Variants in PHYHIPL observed in about 807,000 individuals in gnomAD.
PHYHIPL encodes the protein phytanoyl-CoA 2-hydroxylase interacting protein like.
A neutral mutation model predicts 33.4 loss-of-function variants in PHYHIPL; 9 were observed. That is an observed-to-expected ratio of 0.27 (90% CI 0.16 to 0.47). The LOEUF (loss-of-function observed/expected upper bound fraction) is 0.47, where lower values mean the gene tolerates loss of function less well. PHYHIPL is among the 20% of genes least tolerant of loss of function. The probability of loss-of-function intolerance (pLI) is 0.99; values close to 1 mark genes in which losing one functional copy is unlikely to be tolerated. For missense variants in PHYHIPL, 365 were observed against 460.7 expected (o/e 0.79, Z 1.90); for synonymous variants, 153 against 154.1 (o/e 0.99, Z 0.05).
At chr10:59,213,395 T>C (rs1026134254) in intron 1 of PHYHIPL, among the ~76,000 whole-genome samples, 1 of 152,172 alleles carries the variant, frequency 6.6e-6, no homozygotes, top group African/African-American at 2.4e-5. Flanking sequence ...TTCTGCTGCA[T>C]TGCCTTTAAC....
chr10:59,179,680 G>GT (rs1317432993), intron 1 of PHYHIPL, among the ~76,000 whole-genome samples: 1 of 151,820 alleles, frequency 6.6e-6, no homozygotes. Flanking sequence ...TTTTGTTTTT[G>GT]TTTTTGTCTG....
In PHYHIPL at chr10:59,239,149, T is replaced by C. The variant is rs79080316; in HGVS notation, c.596+444T>C. Among the ~76,000 whole-genome samples, 788 of 152,094 alleles carry C rather than the reference T, an allele frequency of 5.2e-3. 6 individuals are homozygous for C. The highest frequency in any genetic ancestry group is 0.018 in the African/African-American group (756 of 41,530). ...GCAGACTTCTACCTAAGTAGAAGTC[T>C]TTTAGCTGTTGTATTAGTGTGTTTT... On this transcript the variant is annotated intron_variant, in intron 4 of 4. Transcript: ENST00000373880.
At chr10:59,209,108 C>T (rs1362523796) in intron 1 of PHYHIPL, among the ~76,000 whole-genome samples, 1 of 151,812 alleles carries the variant, frequency 6.6e-6, no homozygotes, top group Non-Finnish European at 1.5e-5. Flanking sequence ...AGAAGAGCAA[C>T]TCCAAGACAC....
intron 1 of PHYHIPL, among the ~76,000 whole-genome samples, chr10:59,227,468 G>T (rs1424667354): frequency 1.3e-5 from 2 of 152,118 alleles, no homozygotes; most frequent in Non-Finnish European, 2.9e-5. Flanking sequence ...TTCCCACTAA[G>T]GCCTCACTTC....
Position 59,246,590 on chromosome 10 carries a change from C to A in PHYHIPL, c.*999C>A. On this transcript the variant is annotated 3_prime_UTR_variant, in exon 5 of 5. Coordinates refer to ENST00000373880, the MANE Select transcript of PHYHIPL (RefSeq NM_032439.4). Reference sequence around the variant, plus strand: ...ATAAACATGTTTTCGTATAAAATAACACAAAATGATATACACTGAAGTTGA... The same window carrying A: ...ATAAACATGTTTTCGTATAAAATAAAACAAAATGATATACACTGAAGTTGA... 2.5e-6 allele frequency: 1 copy of A among 397,374 alleles called. No individual in the cohort carries two copies. The highest frequency in any genetic ancestry group is 4.4e-6 in the Non-Finnish European group (1 of 224,972). The allele number at this position is 397,374 out of a possible 1,614,324, so 24.6% of individuals were successfully genotyped here.
intron 1 of PHYHIPL, among the ~76,000 whole-genome samples, chr10:59,224,502 CAAAACA>C (rs1839870669): frequency 7.2e-6 from 1 of 138,294 alleles, no homozygotes; most frequent in African/African-American, 2.6e-5. Context: ...AAACAAAAAA[CAAAACA>C]AAAAACAAAA....
intron 4 of PHYHIPL, among the ~76,000 whole-genome samples, chr10:59,242,901 T>C (rs1186270983): frequency 2.0e-5 from 3 of 152,182 alleles, no homozygotes; most frequent in Admixed American, 6.5e-5. Flanking sequence ...ATCAGTCTTA[T>C]GGACATGTGA....
rs1276407261 is a variant in PHYHIPL, at chr10:59,246,962, G to A, written c.*1371G>A. On this transcript the variant is annotated 3_prime_UTR_variant, in exon 5 of 5. Coordinates refer to ENST00000373880, the MANE Select transcript of PHYHIPL (RefSeq NM_032439.4). ...AAAGATAATAATTCACAAAGTACAT[G>A]CTATCAGAATGAACTTTGGTAACCA... is the stretch of plus-strand genomic sequence containing the variant. 1.3e-5 allele frequency: 3 copies of A among 226,882 alleles called. No homozygotes were observed. In the East Asian group the frequency reaches 2.5e-4, roughly 19 times the overall value. 14.1% of individuals were successfully genotyped at this position (226,882 alleles called of 1,614,324 possible).
chr10:59,224,495 C>CAAAACAAAACAAAACA (rs1393568904), intron 1 of PHYHIPL, among the ~76,000 whole-genome samples: 1 of 53,576 alleles, frequency 1.9e-5, no homozygotes, highest in South Asian at 5.0e-4. Context: ...CAAAACAAAA[C>CAAAACAAAACAAAACA]AAAAAACAAA....
chr10:59,189,470 A>G (rs947408524), intron 1 of PHYHIPL, among the ~76,000 whole-genome samples: 2 of 152,020 alleles, frequency 1.3e-5, no homozygotes, highest in South Asian at 2.1e-4. Context: ...ATTCTTGTTC[A>G]ATGATTAATT....
intron 1 of PHYHIPL, among the ~76,000 whole-genome samples, chr10:59,230,290 T>C (rs1840042891): frequency 6.8e-6 from 1 of 147,784 alleles, no homozygotes; most frequent in Non-Finnish European, 1.5e-5. Context: ...CACAGCTCAC[T>C]GTATCCTTGA....
chr10:59,196,712 C>T (rs943828494), intron 1 of PHYHIPL, among the ~76,000 whole-genome samples: 3 of 152,006 alleles, frequency 2.0e-5, no homozygotes, highest in African/African-American at 4.8e-5. Context: ...CCACCGCGCC[C>T]GGCCAAGTAC....
At chr10:59,183,475 G>A (rs1212839377) in intron 1 of PHYHIPL, among the ~76,000 whole-genome samples, 1 of 152,174 alleles carries the variant, frequency 6.6e-6, no homozygotes, top group Non-Finnish European at 1.5e-5. Context: ...TTCCACTAGG[G>A]AGACTGGAAA....
intron 1 of PHYHIPL, among the ~76,000 whole-genome samples, chr10:59,222,916 A>G (rs1313194068): frequency 6.6e-6 from 1 of 152,204 alleles, no homozygotes; most frequent in African/African-American, 2.4e-5. Flanking sequence ...ATGTGGCTGC[A>G]TAACCTCATT....
chr10:59,211,220 T>C (rs1463985273), intron 1 of PHYHIPL, among the ~76,000 whole-genome samples: 6 of 151,608 alleles, frequency 4.0e-5, no homozygotes, highest in Non-Finnish European at 8.8e-5. Context: ...AAAAAAAAAT[T>C]ATTTTGAATT....
chr10:59,186,530 G>A (rs1838609958), intron 1 of PHYHIPL, among the ~76,000 whole-genome samples: 3 of 152,090 alleles, frequency 2.0e-5, no homozygotes. Flanking sequence ...GATGGGGATG[G>A]CATTGAATCT....
intron 1 of PHYHIPL, 76 bp downstream of exon 1, chr10:59,177,035 GC>G: frequency 7.7e-7 from 1 of 1,306,382 alleles, no homozygotes; most frequent in Non-Finnish European, 1.1e-6. Context: ...CTCCGCCGAC[GC>G]CGCTCGCCAG....
chr10:59,239,077 A>G (rs1249131180), intron 4 of PHYHIPL, among the ~76,000 whole-genome samples: 2 of 151,872 alleles, frequency 1.3e-5, no homozygotes, highest in Non-Finnish European at 2.9e-5. Context: ...TGAGAGTATA[A>G]AAGAGTGACT....
At chr10:59,194,215 G>A (rs1838852243) in intron 1 of PHYHIPL, among the ~76,000 whole-genome samples, 1 of 151,106 alleles carries the variant, frequency 6.6e-6, no homozygotes, top group East Asian at 2.0e-4. Flanking sequence ...CTGAGTAGCT[G>A]GGATTACAGG....
Sources: allele counts gnomAD v4.1 joint callset (sites outside exome capture counted in the v4.1 genomes callset), GRCh38; gene constraint gnomAD v4.1.1; transcripts MANE v1.5; gene names NCBI Gene and HGNC (gene_info 2026-07-23, HGNC 2026-07-21).